LRRTM4: variants seen among roughly 807,000 people sequenced by gnomAD.
LRRTM4 encodes leucine rich repeat transmembrane neuronal 4.
In LRRTM4, 25 loss-of-function variants were observed where a neutral mutation model predicts 47.6. The observed-to-expected ratio is 0.53, with a 90% CI of 0.38 to 0.73. The LOEUF (loss-of-function observed/expected upper bound fraction) is 0.73, where lower values mean the gene tolerates loss of function less well. Ranked by LOEUF, LRRTM4 falls within the 30% of genes least tolerant of loss-of-function variation. The probability of loss-of-function intolerance (pLI) is 0.00; values close to 1 mark genes in which losing one functional copy is unlikely to be tolerated. For missense variants in LRRTM4, 638 were observed against 713.4 expected, an observed-to-expected ratio of 0.89 and a Z score of 1.20; for synonymous variants, 311 against 269.5, an observed-to-expected ratio of 1.15 and a Z score of -1.51.
chr2:76,808,932 A>AT (rs1430874868), intron 3 of LRRTM4, among the ~76,000 whole-genome samples: 2 of 152,122 alleles, frequency 1.3e-5, no homozygotes, highest in African/African-American at 4.8e-5. Context: ...AATTCAAATT[A>AT]TATCATATCT....
At chr2:77,116,704 TCTTA>T (rs1671397413) in intron 3 of LRRTM4, among the ~76,000 whole-genome samples, 1 of 152,120 alleles carries the variant, frequency 6.6e-6, no homozygotes, top group South Asian at 2.1e-4. Context: ...TTGTAAGGAC[TCTTA>T]CTTTTATTTT....
chr2:76,997,423 AG>A (rs34617576), intron 3 of LRRTM4, among the ~76,000 whole-genome samples: 25,266 of 152,020 alleles, frequency 0.17, 2,215 homozygotes, highest in African/African-American at 0.18. Flanking sequence ...AGCATGACTC[AG>A]TCCTCCAGCT....
At chr2:77,491,189 T>C (rs536600340) in intron 3 of LRRTM4, among the ~76,000 whole-genome samples, 18 of 152,140 alleles carry the variant, frequency 1.2e-4, no homozygotes, top group African/African-American at 3.6e-4. Context: ...AATAACCTGT[T>C]GAAAAGTAAA....
intron 3 of LRRTM4, among the ~76,000 whole-genome samples, chr2:77,307,009 C>T (rs996239386): frequency 2.1e-5 from 3 of 140,132 alleles, no homozygotes; most frequent in Non-Finnish European, 4.4e-5. Context: ...ACACCATTCT[C>T]CTGCCTCAGC....
intron 3 of LRRTM4, among the ~76,000 whole-genome samples, chr2:76,825,228 C>T (rs941486365): frequency 1.3e-5 from 2 of 151,542 alleles, no homozygotes. Flanking sequence ...AAATAGTCTT[C>T]TATATGCTGG....
At chr2:76,821,641 G>A (rs1418708691) in intron 3 of LRRTM4, among the ~76,000 whole-genome samples, 2 of 151,784 alleles carry the variant, frequency 1.3e-5, no homozygotes, top group Middle Eastern at 3.4e-3. Context: ...GCCTGGCATG[G>A]AGCATTTCCT....
chr2:77,040,116 T>C (rs1324422451), intron 3 of LRRTM4, among the ~76,000 whole-genome samples: 3 of 151,276 alleles, frequency 2.0e-5, no homozygotes, highest in African/African-American at 7.3e-5. Flanking sequence ...AATGCTACCA[T>C]GGATTTCATT....
At chr2:77,358,805 T>C (rs184085683) in intron 3 of LRRTM4, among the ~76,000 whole-genome samples, 8 of 152,274 alleles carry the variant, frequency 5.3e-5, no homozygotes, top group African/African-American at 1.7e-4. Flanking sequence ...ATTTTCTTAC[T>C]AGTGATGTAC....
At chr2:77,011,428 T>C (rs1340474837) in intron 3 of LRRTM4, among the ~76,000 whole-genome samples, 1 of 152,048 alleles carries the variant, frequency 6.6e-6, no homozygotes, top group Non-Finnish European at 1.5e-5. Flanking sequence ...TACACCATTA[T>C]TGGAACTGGT....
At chr2:77,467,480 C>A (rs957166298) in intron 3 of LRRTM4, among the ~76,000 whole-genome samples, 2 of 152,142 alleles carry the variant, frequency 1.3e-5, no homozygotes, top group African/African-American at 4.8e-5. Flanking sequence ...TGAAATTCCA[C>A]TTCAGATGGC....
chr2:77,456,625 CTT>C (rs1354514390), intron 3 of LRRTM4, among the ~76,000 whole-genome samples: 1 of 152,056 alleles, frequency 6.6e-6, no homozygotes, highest in African/African-American at 2.4e-5. Flanking sequence ...TAAAATCTCT[CTT>C]GACTTTGTGC....
intron 3 of LRRTM4, among the ~76,000 whole-genome samples, chr2:76,750,445 A>C (rs981314771): frequency 6.6e-5 from 10 of 152,220 alleles, no homozygotes; most frequent in Non-Finnish European, 1.0e-4. Context: ...TAGCCTTTGC[A>C]TAAACTTGGT....
At chr2:77,113,658 G>A (rs1424754636) in intron 3 of LRRTM4, among the ~76,000 whole-genome samples, 2 of 152,144 alleles carry the variant, frequency 1.3e-5, no homozygotes, top group African/African-American at 4.8e-5. Flanking sequence ...GGGAGCAGAA[G>A]AGGCAGAAGT....
chr2:77,205,232 T>C (rs919541312), intron 3 of LRRTM4, among the ~76,000 whole-genome samples: 2 of 152,220 alleles, frequency 1.3e-5, no homozygotes, highest in Non-Finnish European at 2.9e-5. Context: ...TTTTTAGTTT[T>C]GTTTTGTTTT....
chr2:76,784,898 T>A (rs1212922917), intron 3 of LRRTM4, among the ~76,000 whole-genome samples: 3 of 152,140 alleles, frequency 2.0e-5, no homozygotes, highest in Non-Finnish European at 4.4e-5. Context: ...GCAGTTATTT[T>A]ACACAAAATT....
At chr2:76,891,161 C>T (rs1673240497) in intron 3 of LRRTM4, among the ~76,000 whole-genome samples, 1 of 151,874 alleles carries the variant, frequency 6.6e-6, no homozygotes, top group Admixed American at 6.6e-5. Flanking sequence ...AGCAAAAAGA[C>T]ACATCAAACC....
intron 3 of LRRTM4, among the ~76,000 whole-genome samples, chr2:76,759,894 C>A (rs889526672): frequency 6.6e-6 from 1 of 152,024 alleles, no homozygotes; most frequent in Non-Finnish European, 1.5e-5. Context: ...GTTTCAATTC[C>A]TTGTTTATTT....
intron 3 of LRRTM4, among the ~76,000 whole-genome samples, chr2:77,086,005 G>A (rs530635373): frequency 1.3e-5 from 2 of 152,240 alleles, no homozygotes; most frequent in South Asian, 4.1e-4. Flanking sequence ...TTTTGAGAAA[G>A]GGAGAAAGTA....
chr2:77,167,009 G>A (rs906952232), intron 3 of LRRTM4, among the ~76,000 whole-genome samples: 1 of 152,100 alleles, frequency 6.6e-6, no homozygotes, highest in South Asian at 2.1e-4. Context: ...TACCATCAGA[G>A]TGAAGAGGCA....
Sources: gnomAD v4.1 joint callset for allele counts (sites outside exome capture counted in the v4.1 genomes callset) on GRCh38, gnomAD v4.1.1 for gene constraint, MANE v1.5 for transcripts, NCBI Gene and HGNC (gene_info 2026-07-23, HGNC 2026-07-21) for gene names.